Variants in TTN observed in about 807,000 individuals in gnomAD.
TTN encodes connectin.
In TTN, 1,525 loss-of-function variants were observed where a neutral mutation model predicts 3,223.0. The ratio of observed to expected loss-of-function variants is 0.47; its 90% confidence interval spans 0.45 to 0.49. TTN has a LOEUF of 0.49. Among genes scored for constraint, TTN ranks in the 20% least tolerant of loss-of-function variants. The pLI is 0.00. For synonymous variants in TTN, 14,094 were observed against 15,161.0 expected (o/e 0.93, Z 5.17); for missense variants, 40,786 against 43,424.0 (o/e 0.94, Z 5.40).
At chr2:178,781,357 A>G in intron 20 of TTN, 94 bp from the exon 21 acceptor site, 1 of 1,408,228 alleles carries the variant, frequency 7.1e-7, no homozygotes, top group Non-Finnish European at 9.9e-7. Flanking sequence ...TCTGTGGTAT[A>G]AAATTCAATG....
Position 178,717,287 on chromosome 2 carries a change from C to T in TTN, c.25447G>A (p.Ala8483Thr), listed in dbSNP as rs1156463241. The change falls in exon 88 of 363, where the codon GCA becomes ACA. Residue 8483 changes from alanine (A) to threonine (T), a missense_variant. Ala to Thr is a moderately conservative substitution (Grantham distance 58). Transcript: ENST00000589042. Reference protein sequence around the residue: ...GTFKCHVTGTAPIKITWAKDN... With the variant: ...GTFKCHVTGTTPIKITWAKDN... Reference sequence around the variant, plus strand: ...TTGGCCCAAGTGATTTTGATTGGTGCAGTCCCAGTTACATGACATTTAAAA... The same window carrying T: ...TTGGCCCAAGTGATTTTGATTGGTGTAGTCCCAGTTACATGACATTTAAAA... The T allele has an allele frequency of 3.1e-6, 5 of 1,613,574 alleles. No homozygotes were observed. The highest frequency in any genetic ancestry group is 4.2e-6 in the Non-Finnish European group (5 of 1,179,700).
rs1403013054 is a variant in TTN at position 178,546,813 on chromosome 2, C to T, written c.94615G>A (p.Val31539Met). 3 of 1,612,546 alleles carry T rather than the reference C, an allele frequency of 1.9e-6. No homozygotes were observed. The highest frequency in any genetic ancestry group is 4.5e-5 in the East Asian group (2 of 44,830). The change falls in exon 341 of 363, where the codon GTG (valine) becomes ATG (methionine). Residue 31539 changes from valine to methionine, a missense_variant. Physicochemically the swap from Val to Met is conservative, Grantham distance 21. Coordinates refer to ENST00000589042, the MANE Select transcript of TTN (RefSeq NM_001267550.2). Reference sequence around the variant, plus strand: ...GGCTTACGCTCTATGATGTAGCCCACAACCTTGCTGCCTCCATCATACGCT... The same window carrying T: ...GGCTTACGCTCTATGATGTAGCCCATAACCTTGCTGCCTCCATCATACGCT... Reference protein sequence around the residue: ...APAYDGGSKVVGYIIERKPVS... With the variant: ...APAYDGGSKVMGYIIERKPVS...
Position 178,591,701 on chromosome 2 carries a change from G to A in TTN, c.60118C>T (p.Leu20040=). The part of the protein sequence containing the change: ...VTNLECVVTG[L]QQGKTYRFRV... ...AATCTATAGGTCTTTCCTTGTTGTA[G>A]TCCAGTAACCACACACTCTAAGTTT... The change falls in exon 303 of 363, where the codon CTA becomes TTA. Residue 20040 remains leucine (L), a synonymous_variant. Coordinates refer to ENST00000589042, the MANE Select transcript of TTN (RefSeq NM_001267550.2). 1 of 1,613,318 alleles carries A rather than the reference G, an allele frequency of 6.2e-7. No homozygotes were observed. Among genetic ancestry groups the A allele is most frequent in the Non-Finnish European group, 8.5e-7 (1 of 1,179,564 alleles).
intron 63 of TTN, 45 bp from the exon 64 acceptor site, chr2:178,729,611 C>G: frequency 6.2e-7 from 1 of 1,613,128 alleles, no homozygotes; most frequent in Non-Finnish European, 8.5e-7. Context: ...AGGGAAGACC[C>G]CAAACTTATC....
At position 178,530,869 on chromosome 2, in the gene TTN, G is replaced by A; in HGVS notation, c.105746C>T (p.Ser35249Phe). 6.2e-7 allele frequency: 1 copy of A among 1,613,882 alleles called. No homozygotes were observed. Residue 35249 changes from serine (S) to phenylalanine (F), a missense_variant, in exon 358 of 363, where the codon TCT (serine) becomes TTT (phenylalanine). Transcript: ENST00000589042. ...TTCTGGAGATTTCACTCGTTTTGGA[G>A]ACTTAACTGCTTCTGGGGATTTCAC... Reference protein sequence around the residue: ...PRVKSPEAVKSPKRVKSPEPS... With the variant: ...PRVKSPEAVKFPKRVKSPEPS...
Position 178,678,117 on chromosome 2 carries a change from T to C in TTN, c.33994+8A>G, listed in dbSNP as rs1431927792. 4 of 1,607,392 alleles carry C rather than the reference T, an allele frequency of 2.5e-6. No individual in the cohort carries two copies. The South Asian group carries it at 4.5e-5, about 18-fold the overall frequency. Reference sequence around the variant, plus strand: ...CTTTTACCATGGCTCTGTTACAGATTAATGTACCTTTGGGTGGTGGTGCTT... The same window carrying C: ...CTTTTACCATGGCTCTGTTACAGATCAATGTACCTTTGGGTGGTGGTGCTT... On this transcript the variant is annotated splice_region_variant and intron_variant, in intron 145 of 362. Coordinates refer to ENST00000589042, the MANE Select transcript of TTN (RefSeq NM_001267550.2).
chr2:178,799,553 G>A lies in TTN; in HGVS notation c.848C>T (p.Pro283Leu), dbSNP rs760951860. 1 of 1,614,192 alleles carries A rather than the reference G, an allele frequency of 6.2e-7. No individual in the cohort carries two copies. The highest frequency in any genetic ancestry group is 2.2e-5 in the East Asian group (1 of 44,870). ...AKAQLARQQS[P>L]SPIRHSPSPV... ...GGAAGGGGAGTGTCTTATGGGCGATGGGGACTGCTGCCGAGCCAGCTGTGC... is the reference window on the plus strand; with the variant it reads ...GGAAGGGGAGTGTCTTATGGGCGATAGGGACTGCTGCCGAGCCAGCTGTGC... The change falls in exon 6 of 363, where the codon CCA becomes CTA. Residue 283 changes from proline to leucine, a missense_variant. Transcript: ENST00000589042.
At chr2:178,541,166 G>A (rs1308165281) in intron 350 of TTN, 116 bp downstream of exon 350, 6 of 988,610 alleles carry the variant, frequency 6.1e-6, no homozygotes, top group Non-Finnish European at 1.4e-6. Context: ...GATTGTGGTG[G>A]TGATTACAAA....
chr2:178,709,667 A>G lies in TTN; in HGVS notation c.28652T>C (p.Leu9551Pro). Reference sequence around the variant, plus strand: ...GTTCATGCCTGCTTTCCTGACTTGCAGCACTAACGTGTTGTTCTTGAATGT... The same window carrying G: ...GTTCATGCCTGCTTTCCTGACTTGCGGCACTAACGTGTTGTTCTTGAATGT... ...EITFKNNTLV[L>P]QVRKAGMNDA... Residue 9551 changes from leucine (L) to proline (P), a missense_variant, in exon 99 of 363, where the codon CTG becomes CCG. Leu to Pro is a moderately conservative substitution (Grantham distance 98). Coordinates refer to ENST00000589042, the MANE Select transcript of TTN (RefSeq NM_001267550.2). The G allele has an allele frequency of 6.2e-7, 1 of 1,613,950 alleles. No homozygotes were observed. Among genetic ancestry groups the G allele is most frequent in the Non-Finnish European group, 8.5e-7 (1 of 1,179,824 alleles).
chr2:178,529,304 TA>T (rs1687976979), intron 359 of TTN, 85 bp from the exon 360 acceptor site: 7 of 1,110,270 alleles, frequency 6.3e-6, no homozygotes, highest in African/African-American at 1.6e-5. Context: ...GTGAAAAACA[TA>T]AAAAGAAAAA....
chr2:178,709,517 C>A (rs1371880910), intron 99 of TTN, 49 bp downstream of exon 99: 62 of 1,555,148 alleles, frequency 4.0e-5, no homozygotes, highest in Non-Finnish European at 5.2e-5. Flanking sequence ...GGATATATAA[C>A]AGGCAGTGAA....
chr2:178,532,148 T>G lies in TTN; in HGVS notation c.104467A>C (p.Lys34823Gln). Residue 34823 changes from lysine to glutamine, a missense_variant, in exon 358 of 363, where the codon AAA becomes CAA. Lys to Gln is a moderately conservative substitution (Grantham distance 53, BLOSUM62 1). Transcript: ENST00000589042. ...TEIEEEYEISKHAQRESSSSA... is the reference protein window; with the variant it reads ...TEIEEEYEISQHAQRESSSSA... ...GAGGATGATTCTCTTTGAGCATGTT[T>G]TGAGATTTCGTATTCTTCCTCAATT... The G allele has an allele frequency of 6.2e-7, 1 of 1,613,918 alleles. No individual in the cohort carries two copies.
In TTN at chr2:178,614,240, T is replaced by C. The variant is rs190721620; in HGVS notation, c.49157A>G (p.Tyr16386Cys). Reference sequence around the variant, plus strand: ...ATCAGTTGCTCGTCTCTCCACAACATAGTTTGTGATCTTAGATCCACCATC... The same window carrying C: ...ATCAGTTGCTCGTCTCTCCACAACACAGTTTGTGATCTTAGATCCACCATC... ...RDDGGSKITN[Y>C]VVERRATDSE... Residue 16386 changes from tyrosine to cysteine, a missense_variant, in exon 262 of 363, where the codon TAT (tyrosine) becomes TGT (cysteine). Physicochemically the swap from Tyr to Cys is radical, Grantham distance 194. Coordinates refer to ENST00000589042, the MANE Select transcript of TTN (RefSeq NM_001267550.2). The C allele has an allele frequency of 6.8e-6, 11 of 1,612,584 alleles. No homozygotes were observed. Among genetic ancestry groups the C allele is most frequent in the East Asian group, 2.2e-5 (1 of 44,564 alleles).
chr2:178,725,269 A>G (rs960074740), intron 71 of TTN, 99 bp downstream of exon 71: 11 of 1,274,340 alleles, frequency 8.6e-6, no homozygotes, highest in African/African-American at 1.5e-5. Flanking sequence ...GAGGATAAAT[A>G]TAGTTCTAGA....
rs997483780 is a variant in TTN at position 178,714,547 on chromosome 2, T to C, written c.26227A>G (p.Ser8743Gly). ...KAPPRFVKKL[S>G]DISTVVGKEV... ...TTACCAACGACAGTAGATATGTCAC[T>C]GAGCTTCTTCACAAATCTTGGTGGT... Residue 8743 changes from serine (S) to glycine (G), a missense_variant, in exon 91 of 363, where the codon AGT becomes GGT. Coordinates refer to ENST00000589042, the MANE Select transcript of TTN (RefSeq NM_001267550.2). The C allele has an allele frequency of 3.7e-6, 6 of 1,607,020 alleles. No individual in the cohort carries two copies. The highest frequency in any genetic ancestry group is 1.7e-5 in the Admixed American group (1 of 59,670).
At position 178,698,831 on chromosome 2, in the gene TTN, T is replaced by A; in HGVS notation, c.30754+12A>T. ...AAAAGTGTTAAGACTGCTTTTTGAT[T>A]AATTATAATACCTTCACGTGGTGTC... On this transcript the variant is annotated intron_variant, in intron 112 of 362. Transcript: ENST00000589042. 1 of 1,539,344 alleles carries A rather than the reference T, an allele frequency of 6.5e-7. No individual in the cohort carries two copies.
chr2:178,624,503 G>A lies in TTN; in HGVS notation c.44777C>T (p.Ala14926Val). 1.2e-6 allele frequency: 2 copies of A among 1,612,596 alleles called. No homozygotes were observed. The highest frequency in any genetic ancestry group is 1.7e-6 in the Non-Finnish European group (2 of 1,179,068). Reference protein sequence around the residue: ...PEDIKTYTCDAKDFKTSCNLN... With the variant: ...PEDIKTYTCDVKDFKTSCNLN... ...GTTACAGGAAGTCTTAAAATCCTTA[G>A]CATCACAAGTGTATGTTTTAATATC... is the stretch of plus-strand genomic sequence containing the variant. Residue 14926 changes from alanine (A) to valine (V), a missense_variant, in exon 242 of 363, where the codon GCT becomes GTT. Coordinates refer to ENST00000589042, the MANE Select transcript of TTN (RefSeq NM_001267550.2).
At chr2:178,632,056 A>G (rs1050420976) in intron 236 of TTN, 91 bp downstream of exon 236, 11 of 1,378,490 alleles carry the variant, frequency 8.0e-6, no homozygotes, top group African/African-American at 1.5e-5. Flanking sequence ...TTCATGCAAT[A>G]TAACACTTAG....
At position 178,746,384 on chromosome 2, in the gene TTN, T is replaced by C. The variant is rs372997814; in HGVS notation, c.11312-4463A>G. 1.3e-4 allele frequency: 202 copies of C among 1,610,106 alleles called. 1 individual carries two copies. Among genetic ancestry groups the C allele is most frequent in the Admixed American group, 2.5e-4 (15 of 59,428 alleles). On this transcript the variant is annotated intron_variant, in intron 47 of 362. Coordinates refer to ENST00000589042, the MANE Select transcript of TTN (RefSeq NM_001267550.2). ...TAGACTCACAATCATACTTTTATGGTCAGGAGTAAATTCGGGAACTGTCAC... is the reference window on the plus strand; with the variant it reads ...TAGACTCACAATCATACTTTTATGGCCAGGAGTAAATTCGGGAACTGTCAC...
Sources: allele counts gnomAD v4.1 joint callset, GRCh38; gene constraint gnomAD v4.1.1; transcripts MANE v1.5; gene names NCBI Gene and HGNC (gene_info 2026-07-23, HGNC 2026-07-21).